Variants in FOXK2 observed in about 807,000 individuals in gnomAD.
The protein encoded by FOXK2 is forkhead box protein K2.
FOXK2 carries 24 observed loss-of-function variants against 53.3 expected under a neutral mutation model. The observed-to-expected ratio is 0.45, with a 90% CI of 0.33 to 0.63. The LOEUF is 0.63. FOXK2 is among the 30% of genes least tolerant of loss of function. The pLI is 0.03. For synonymous variants in FOXK2, 505 were observed against 407.1 expected (o/e 1.24, Z -2.89); for missense variants, 952 against 910.5 (o/e 1.05, Z -0.59).
intron 4 of FOXK2, among the ~76,000 whole-genome samples, chr17:82,573,560 T>A (rs74562539): frequency 0.034 from 3,429 of 101,728 alleles, 36 homozygotes; most frequent in Middle Eastern, 0.065. Flanking sequence ...TCTCTCTCTC[T>A]CTCACACACA....
intron 3 of FOXK2, among the ~76,000 whole-genome samples, chr17:82,570,411 T>C (rs2044904746): frequency 6.6e-6 from 1 of 152,178 alleles, no homozygotes; most frequent in Non-Finnish European, 1.5e-5. Flanking sequence ...GAGGATCACC[T>C]GAGCCCTGGG....
At chr17:82,582,372 C>T (rs1291290527) in intron 4 of FOXK2, among the ~76,000 whole-genome samples, 1 of 152,220 alleles carries the variant, frequency 6.6e-6, no homozygotes, top group East Asian at 1.9e-4. Context: ...GTGTCCTTTC[C>T]TCTTTGGAAG....
chr17:82,604,223 G>A lies in FOXK2; in HGVS notation c.*2724G>A, dbSNP rs188971401. 3 of 152,374 alleles carry A rather than the reference G, an allele frequency of 2.0e-5. No homozygotes were observed. Among genetic ancestry groups the A allele is most frequent in the Non-Finnish European group, 2.9e-5 (2 of 68,056 alleles). 9.4% of individuals were successfully genotyped at this position (152,374 alleles called of 1,614,324 possible). A position where few individuals can be genotyped will look rare whatever the true frequency, so the allele number is the denominator to read the frequency against. On this transcript the variant is annotated 3_prime_UTR_variant, in exon 9 of 9. Coordinates refer to ENST00000335255, the MANE Select transcript of FOXK2 (RefSeq NM_004514.4). ...TCAGTAGCTTTGCCCTGAACCAAAC[G>A]AGAAAACAAAAGGGAACTCCCGTAT...
intron 1 of FOXK2, among the ~76,000 whole-genome samples, chr17:82,563,017 G>C (rs912820065): frequency 1.3e-5 from 2 of 151,970 alleles, no homozygotes; most frequent in African/African-American, 4.8e-5. Flanking sequence ...GTGTTGCCCA[G>C]GCTGGTCTTG....
At chr17:82,529,960 A>G (rs1339936743) in intron 1 of FOXK2, among the ~76,000 whole-genome samples, 1 of 152,196 alleles carries the variant, frequency 6.6e-6, no homozygotes, top group Non-Finnish European at 1.5e-5. Flanking sequence ...TGATACAGAT[A>G]TTCTGAGAAC....
rs1223008375 is a variant in FOXK2 at position 82,587,071 on chromosome 17, G to C, written c.1585G>C (p.Glu529Gln). The change falls in exon 8 of 9, where the codon GAG (glutamate) becomes CAG (glutamine). Residue 529 changes from glutamate to glutamine, a missense_variant. Around this residue, in one of 5 missense-constraint regions of FOXK2, gnomAD observed 551 missense variants for 385.1 expected, o/e 1.43. Coordinates refer to ENST00000335255, the MANE Select transcript of FOXK2 (RefSeq NM_004514.4). ...TTTTCCTTTAATTTCAGTGAAAGTA[G>C]AGCCTATTCCCGCCATTGGCCACGC... The part of the protein sequence containing the change: ...GDHREVKVKV[E>Q]PIPAIGHATL... 5.6e-6 allele frequency: 9 copies of C among 1,598,454 alleles called. No homozygotes were observed. The highest frequency in any genetic ancestry group is 7.7e-6 in the Non-Finnish European group (9 of 1,169,932).
intron 8 of FOXK2, chr17:82,596,085 C>T: frequency 1.0e-6 from 1 of 956,908 alleles, no homozygotes; most frequent in Non-Finnish European, 1.3e-6. Flanking sequence ...TTTGTAGACA[C>T]ATTAGAGTCG....
intron 1 of FOXK2, among the ~76,000 whole-genome samples, chr17:82,557,597 G>C (rs1415974197): frequency 6.6e-6 from 1 of 152,152 alleles, no homozygotes; most frequent in Non-Finnish European, 1.5e-5. Flanking sequence ...ACCTGCCTTG[G>C]CCTCCAAAAG....
In FOXK2 at chr17:82,568,034, C is replaced by A; in HGVS notation, c.615-20C>A. The A allele has an allele frequency of 6.4e-7, 1 of 1,574,380 alleles. No individual in the cohort carries two copies. The highest frequency in any genetic ancestry group is 2.3e-5 in the East Asian group (1 of 42,714). On this transcript the variant is annotated intron_variant, in intron 2 of 8. Coordinates refer to ENST00000335255, the MANE Select transcript of FOXK2 (RefSeq NM_004514.4). ...GTGCACTGTGATAGACTAATAGGAACAACTTTTTCTCTTCCACAGCGCTGC... is the reference window on the plus strand; with the variant it reads ...GTGCACTGTGATAGACTAATAGGAAAAACTTTTTCTCTTCCACAGCGCTGC...
chr17:82,540,161 A>G (rs2044560662), intron 1 of FOXK2, among the ~76,000 whole-genome samples: 1 of 151,922 alleles, frequency 6.6e-6, no homozygotes, highest in Non-Finnish European at 1.5e-5. Context: ...GATGCCTGTA[A>G]TCCTGGCTAC....
chr17:82,565,736 G>T (rs929469573), intron 2 of FOXK2, among the ~76,000 whole-genome samples: 2 of 152,170 alleles, frequency 1.3e-5, no homozygotes, highest in African/African-American at 4.8e-5. Flanking sequence ...AGCTGCTGTG[G>T]AAACAGACTA....
intron 1 of FOXK2, among the ~76,000 whole-genome samples, chr17:82,557,730 C>T (rs2044746611): frequency 6.6e-6 from 1 of 152,130 alleles, no homozygotes; most frequent in African/African-American, 2.4e-5. Flanking sequence ...CTCACTGCAG[C>T]CTCAAACTCC....
At chr17:82,531,061 C>A (rs118013397) in intron 1 of FOXK2, among the ~76,000 whole-genome samples, 1 of 152,140 alleles carries the variant, frequency 6.6e-6, no homozygotes, top group Non-Finnish European at 1.5e-5. Context: ...CAAGCTTCCC[C>A]CTGGACTTGT....
At position 82,544,066 on chromosome 17, in the gene FOXK2, G is replaced by A. The variant is rs550012600; in HGVS notation, c.420-19288G>A. 3.4e-4 allele frequency among the ~76,000 whole-genome samples: 51 copies of A among 152,148 alleles called. 4 individuals are homozygous for A. The highest frequency in any genetic ancestry group is 2.5e-3 in the Admixed American group (38 of 15,264). ...GCTCGGATTACAGGCGTGAGCCACC[G>A]TGCCCAGCCAAGCTTTTTGTTTTTT... On this transcript the variant is annotated intron_variant, in intron 1 of 8. Coordinates refer to ENST00000335255, the MANE Select transcript of FOXK2 (RefSeq NM_004514.4).
intron 1 of FOXK2, among the ~76,000 whole-genome samples, chr17:82,545,497 T>C (rs1448479177): frequency 1.3e-5 from 2 of 152,158 alleles, no homozygotes; most frequent in Non-Finnish European, 2.9e-5. Context: ...TAGGTAGACA[T>C]TTAAAGTAAT....
chr17:82,544,652 G>A (rs1238525391), intron 1 of FOXK2, among the ~76,000 whole-genome samples: 2 of 152,184 alleles, frequency 1.3e-5, no homozygotes, highest in African/African-American at 4.8e-5. Context: ...GTCAGAATTG[G>A]CTGCCAGATG....
chr17:82,562,993 G>A (rs1401597066), intron 1 of FOXK2, among the ~76,000 whole-genome samples: 1 of 152,016 alleles, frequency 6.6e-6, no homozygotes, highest in Non-Finnish European at 1.5e-5. Flanking sequence ...TCTTTGTAGA[G>A]GTGGGGTCTT....
Position 82,586,075 on chromosome 17 carries a change from G to A in FOXK2, c.1451G>A (p.Ser484Asn). 6.2e-7 allele frequency: 1 copy of A among 1,612,812 alleles called. No individual in the cohort carries two copies. The highest frequency in any genetic ancestry group is 1.3e-5 in the African/African-American group (1 of 75,074). ...VHQIPAVSVT[S>N]VAGLAPANTY... ...CAGATCCCAGCGGTGTCGGTCACCA[G>A]TGTGGCCGGACTGGCCCCAGCGAAC... The change falls in exon 7 of 9, where the codon AGT (serine) becomes AAT (asparagine). Residue 484 changes from serine (S) to asparagine (N), a missense_variant. Around this residue, in one of 5 missense-constraint regions of FOXK2, gnomAD observed 551 missense variants for 385.1 expected, o/e 1.43. Coordinates refer to ENST00000335255, the MANE Select transcript of FOXK2 (RefSeq NM_004514.4).
rs560631678 is a variant in FOXK2 at position 82,592,934 on chromosome 17, A to G, written c.1786+5662A>G. 2.0e-5 allele frequency among the ~76,000 whole-genome samples: 3 copies of G among 149,276 alleles called. No individual in the cohort carries two copies. The East Asian group carries it at 6.0e-4, about 30-fold the overall frequency. On this transcript the variant is annotated intron_variant, in intron 8 of 8. Transcript: ENST00000335255. ...CTTATTCTGAAAGTAGACCCTGTGA[A>G]GGTCTCCCTGCGCCGGGCACAGGCT...
Sources: allele counts gnomAD v4.1 joint callset (sites outside exome capture counted in the v4.1 genomes callset), GRCh38; gene constraint gnomAD v4.1.1; regional missense constraint gnomAD v4.1.1; transcripts MANE v1.5; gene names NCBI Gene and HGNC (gene_info 2026-07-23, HGNC 2026-07-21).